The following MAGI2 variants were observed in gnomAD, a reference collection of about 807,000 sequenced individuals.
MAGI2 encodes the protein membrane-associated guanylate kinase, WW and PDZ domain-containing protein 2.
A neutral mutation model predicts 133.3 loss-of-function variants in MAGI2; 35 were observed. The observed-to-expected ratio is 0.26, with a 90% CI of 0.20 to 0.35. The LOEUF is 0.35. MAGI2 is among the 10% of genes least tolerant of loss of function. The pLI is 1.00. For synonymous variants in MAGI2, 729 were observed against 710.6 expected (o/e 1.03, Z -0.41); for missense variants, 1,636 against 1,863.4 (o/e 0.88, Z 2.25).
At chr7:78,869,955 C>A (rs911669055) in intron 2 of MAGI2, among the ~76,000 whole-genome samples, 1 of 152,018 alleles carries the variant, frequency 6.6e-6, no homozygotes, top group African/African-American at 2.4e-5. Context: ...GTCTTTGTGC[C>A]TGTTTTTCTA....
chr7:79,368,151 C>G (rs554540158), intron 1 of MAGI2, among the ~76,000 whole-genome samples: 2 of 151,944 alleles, frequency 1.3e-5, no homozygotes, highest in Non-Finnish European at 2.9e-5. Flanking sequence ...CCAAATGAAG[C>G]CTGAGAGTCC....
intron 1 of MAGI2, among the ~76,000 whole-genome samples, chr7:79,323,442 C>T (rs973516131): frequency 6.6e-6 from 1 of 151,968 alleles, no homozygotes; most frequent in African/African-American, 2.4e-5. Flanking sequence ...ATGTGAGAGG[C>T]GAGGGCAGAG....
At chr7:79,429,835 C>T (rs1180248850) in intron 1 of MAGI2, among the ~76,000 whole-genome samples, 8 of 151,932 alleles carry the variant, frequency 5.3e-5, no homozygotes, top group Non-Finnish European at 1.5e-5. Context: ...AATATAAAGT[C>T]AGAAGTCTAC....
At chr7:79,123,346 T>C (rs572536069) in intron 1 of MAGI2, among the ~76,000 whole-genome samples, 1 of 152,286 alleles carries the variant, frequency 6.6e-6, no homozygotes, top group Admixed American at 6.5e-5. Flanking sequence ...AAAGGATGAA[T>C]CAGATAGATA....
intron 6 of MAGI2, among the ~76,000 whole-genome samples, chr7:78,465,233 G>T (rs762084917): frequency 6.6e-6 from 1 of 152,164 alleles, no homozygotes; most frequent in Non-Finnish European, 1.5e-5. Context: ...ATATGAGCAG[G>T]TGTCTGTAGG....
intron 21 of MAGI2, among the ~76,000 whole-genome samples, chr7:78,063,497 C>T (rs1813495685): frequency 1.3e-5 from 2 of 152,290 alleles, no homozygotes; most frequent in Middle Eastern, 6.8e-3. Flanking sequence ...CTGCCTTGGC[C>T]TCCTAAAATG....
rs183454360 is a variant in MAGI2, at chr7:78,581,800, T to A, written c.538+45320A>T. 4.6e-5 allele frequency among the ~76,000 whole-genome samples: 7 copies of A among 152,180 alleles called. No homozygotes were observed. In the East Asian group the frequency reaches 1.4e-3, roughly 29 times the overall value. ...CCTGTGCATTTTTTTTTCTGTTAAA[T>A]GAAGAAGAGGACTGTTGTGGAGAGG... On this transcript the variant is annotated intron_variant, in intron 3 of 21. Coordinates refer to ENST00000354212, the MANE Select transcript of MAGI2 (RefSeq NM_012301.4).
chr7:78,430,636 C>T (rs1799704765), intron 6 of MAGI2, among the ~76,000 whole-genome samples: 1 of 151,890 alleles, frequency 6.6e-6, no homozygotes, highest in Admixed American at 6.6e-5. Flanking sequence ...GGAGGAAATC[C>T]CACAGATAAG....
intron 6 of MAGI2, among the ~76,000 whole-genome samples, chr7:78,408,925 T>C (rs1264320090): frequency 6.6e-6 from 1 of 152,058 alleles, no homozygotes; most frequent in Non-Finnish European, 1.5e-5. Flanking sequence ...TGGATAATAC[T>C]ACTACAGACC....
chr7:78,986,572 G>T (rs760405588), intron 2 of MAGI2, among the ~76,000 whole-genome samples: 5 of 151,782 alleles, frequency 3.3e-5, no homozygotes, highest in Non-Finnish European at 5.9e-5. Flanking sequence ...GCAAAGTAGA[G>T]GTGCAGTGGT....
intron 1 of MAGI2, among the ~76,000 whole-genome samples, chr7:79,430,761 T>A (rs2129186549): frequency 6.6e-6 from 1 of 152,274 alleles, no homozygotes. Flanking sequence ...ACCAAATATA[T>A]CTCCATAGCT....
chr7:79,205,707 C>A (rs1379921783), intron 1 of MAGI2, among the ~76,000 whole-genome samples: 1 of 151,128 alleles, frequency 6.6e-6, no homozygotes, highest in Non-Finnish European at 1.5e-5. Context: ...TAAACTGTGG[C>A]TTTAAAAATT....
chr7:79,173,869 C>T (rs1825843918), intron 1 of MAGI2, among the ~76,000 whole-genome samples: 1 of 151,914 alleles, frequency 6.6e-6, no homozygotes, highest in Admixed American at 6.6e-5. Flanking sequence ...AATATCAGAA[C>T]TCAAAATAAG....
At position 78,299,098 on chromosome 7, in the gene MAGI2, G is replaced by A. The variant is rs534900984; in HGVS notation, c.1409-42517C>T. On this transcript the variant is annotated intron_variant, in intron 9 of 21. Transcript: ENST00000354212. ...CTCCCAAAGTGCTGGGATTACAGGC[G>A]TGAGCTACCGTGCCTGGCTATAACG... 2.8e-4 allele frequency among the ~76,000 whole-genome samples: 43 copies of A among 152,142 alleles called. 1 individual carries two copies. Among genetic ancestry groups the A allele is most frequent in the South Asian group, 2.7e-3 (13 of 4,810 alleles).
At chr7:78,485,263 A>G (rs1227877071) in intron 6 of MAGI2, 1 of 151,962 alleles carries the variant, frequency 6.6e-6, no homozygotes, top group Non-Finnish European at 1.5e-5. Flanking sequence ...CACTCCCCCA[A>G]ATACTAATAT....
intron 14 of MAGI2, among the ~76,000 whole-genome samples, chr7:78,172,169 GA>G (rs1288124441): frequency 1.3e-5 from 2 of 151,836 alleles, no homozygotes; most frequent in Non-Finnish European, 2.9e-5. Flanking sequence ...ACACTAAAAA[GA>G]AAAAAAACCA....
At chr7:78,922,591 G>A (rs912509944) in intron 2 of MAGI2, among the ~76,000 whole-genome samples, 15 of 152,094 alleles carry the variant, frequency 9.9e-5, no homozygotes, top group Non-Finnish European at 1.5e-4. Context: ...CCAGTCTATC[G>A]TTGTTGGACA....
intron 11 of MAGI2, among the ~76,000 whole-genome samples, chr7:78,195,768 A>C (rs550591366): frequency 1.4e-4 from 22 of 152,304 alleles, no homozygotes; most frequent in Admixed American, 4.6e-4. Flanking sequence ...GATCCTCACC[A>C]TAGCACCATA....
At position 78,505,526 on chromosome 7, in the gene MAGI2, C is replaced by T. The variant is rs79288822; in HGVS notation, c.755-3739G>A. 6.7e-3 allele frequency among the ~76,000 whole-genome samples: 1,022 copies of T among 152,258 alleles called. 31 individuals are homozygous for T. The East Asian group carries it at 0.11, about 16-fold the overall frequency. On this transcript the variant is annotated intron_variant, in intron 4 of 21. Coordinates refer to ENST00000354212, the MANE Select transcript of MAGI2 (RefSeq NM_012301.4). ...GTAATTATACATACTGTGGTACGCA[C>T]ATGGAACATACAAAATGTCACGTTG...
Sources: gnomAD v4.1 joint callset for allele counts (sites outside exome capture counted in the v4.1 genomes callset) on GRCh38, gnomAD v4.1.1 for gene constraint, MANE v1.5 for transcripts, NCBI Gene and HGNC (gene_info 2026-07-23, HGNC 2026-07-21) for gene names.